TMEM266: variants seen among roughly 807,000 people sequenced by gnomAD.
TMEM266 encodes the protein transmembrane protein 266.
In TMEM266, 33 loss-of-function variants were observed where a neutral mutation model predicts 50.5. The observed-to-expected ratio is 0.65, with a 90% CI of 0.50 to 0.87. The LOEUF is 0.87. Among genes scored for constraint, TMEM266 ranks in the 40% least tolerant of loss-of-function variants. The probability of loss-of-function intolerance (pLI) is 0.00; values close to 1 mark genes in which losing one functional copy is unlikely to be tolerated. For missense variants in TMEM266, 655 were observed against 695.1 expected (o/e 0.94, Z 0.65); for synonymous variants, 310 against 292.3 (o/e 1.06, Z -0.62).
At chr15:76,156,536 TG>T (rs1170596132) in intron 3 of TMEM266, 67 bp from the exon 4 acceptor site, 56 of 1,548,232 alleles carry the variant, frequency 3.6e-5, no homozygotes, top group Admixed American at 1.8e-5. Flanking sequence ...AGCAGGGCTT[TG>T]GCCGGGGTCC....
intron 5 of TMEM266, 69 bp from the exon 6 acceptor site, chr15:76,169,747 T>G: frequency 7.3e-5 from 109 of 1,496,492 alleles, no homozygotes; most frequent in Non-Finnish European, 9.1e-5. Context: ...CTCTGAGTGC[T>G]GAGCTCTGGA....
chr15:76,086,333 G>A (rs1015175858), intron 1 of TMEM266, among the ~76,000 whole-genome samples: 4 of 152,200 alleles, frequency 2.6e-5, no homozygotes, highest in African/African-American at 9.7e-5. Flanking sequence ...AAGCAATGGT[G>A]ATAGAAATCA....
At chr15:76,100,068 C>A (rs578112637) in intron 1 of TMEM266, among the ~76,000 whole-genome samples, 6 of 152,278 alleles carry the variant, frequency 3.9e-5, no homozygotes, top group Non-Finnish European at 7.3e-5. Context: ...TCCCTCAACA[C>A]ATGGGGATTA....
chr15:76,161,469 C>CTG lies in TMEM266; in HGVS notation c.456+1302_456+1303insGT, dbSNP rs1433931626. Among the ~76,000 whole-genome samples the CTG allele has an allele frequency of 6.6e-6, 1 of 151,948 alleles. No homozygotes were observed. Among genetic ancestry groups the CTG allele is most frequent in the African/African-American group, 2.4e-5 (1 of 41,316 alleles). On this transcript the variant is annotated intron_variant, in intron 5 of 10. Coordinates refer to ENST00000388942, the MANE Select transcript of TMEM266 (RefSeq NM_152335.3). This position sits in a 1 kb window ranked among gnomAD's most constrained non-coding sequence, Gnocchi z 4.1. ...GGCCTAGCTAATGGCTCTGCTCTCT[C>CTG]TCTCTCTCTCTCCCTAAAAATCAGG...
chr15:76,184,726 G>A lies in TMEM266; in HGVS notation c.769-7242G>A, dbSNP rs142038957. On this transcript the variant is annotated intron_variant, in intron 8 of 10. Coordinates refer to ENST00000388942, the MANE Select transcript of TMEM266 (RefSeq NM_152335.3). ...AAGCGCTGGGTGTGCCCGTCCTGCC[G>A]CCCCGGTGGGTCTGACCCCTCCTGG... Among the ~76,000 whole-genome samples, 370 of 152,300 alleles carry A rather than the reference G, an allele frequency of 2.4e-3. 3 individuals are homozygous for A. Among genetic ancestry groups the A allele is most frequent in the South Asian group, 0.021 (103 of 4,824 alleles).
intron 1 of TMEM266, among the ~76,000 whole-genome samples, chr15:76,116,944 G>A (rs2037258782): frequency 7.0e-6 from 1 of 143,752 alleles, no homozygotes; most frequent in Admixed American, 7.2e-5. Flanking sequence ...TTGTTGCCCA[G>A]GCTGGAGTGC....
At chr15:76,156,461 G>A in intron 3 of TMEM266, 143 bp from the exon 4 acceptor site, 1 of 767,694 alleles carries the variant, frequency 1.3e-6, no homozygotes, top group South Asian at 1.9e-5. Context: ...GAATGAGGTT[G>A]TGTTTCGCCA....
intron 1 of TMEM266, among the ~76,000 whole-genome samples, chr15:76,100,212 G>T (rs766033694): frequency 3.9e-5 from 6 of 152,154 alleles, no homozygotes; most frequent in Non-Finnish European, 8.8e-5. Flanking sequence ...ACCCAAGGTG[G>T]TTTCCTCTGC....
intron 1 of TMEM266, among the ~76,000 whole-genome samples, chr15:76,124,684 A>G (rs2037393319): frequency 6.6e-6 from 1 of 152,158 alleles, no homozygotes; most frequent in African/African-American, 2.4e-5. Flanking sequence ...CTGTTGTCCC[A>G]GCTACTCTGA....
intron 1 of TMEM266, among the ~76,000 whole-genome samples, chr15:76,124,567 G>C (rs2037390791): frequency 6.6e-6 from 1 of 152,040 alleles, no homozygotes; most frequent in African/African-American, 2.4e-5. Context: ...GGGAGTCTTA[G>C]GCAGGAGAAT....
chr15:76,099,106 C>T (rs999650584), intron 1 of TMEM266, among the ~76,000 whole-genome samples: 9 of 152,158 alleles, frequency 5.9e-5, no homozygotes, highest in Admixed American at 1.3e-4. Flanking sequence ...ATCTCACTGT[C>T]GTTCCAGGCG....
At chr15:76,077,265 T>C (rs76631432) in intron 1 of TMEM266, among the ~76,000 whole-genome samples, 2,628 of 152,150 alleles carry the variant, frequency 0.017, 100 homozygotes, top group African/African-American at 0.06. Context: ...TGCCTGGCCC[T>C]CGGATAACCT....
intron 8 of TMEM266, chr15:76,181,189 G>A (rs949554194): frequency 6.6e-6 from 1 of 152,370 alleles, no homozygotes; most frequent in South Asian, 2.1e-4. Flanking sequence ...TGGGCCCAAC[G>A]TGGCACAGCA....
chr15:76,185,400 C>CT (rs2038478191), intron 8 of TMEM266, among the ~76,000 whole-genome samples: 2 of 152,174 alleles, frequency 1.3e-5, no homozygotes, highest in Non-Finnish European at 2.9e-5. Flanking sequence ...TACGTCCAAT[C>CT]TCCTGTTAAA....
At chr15:76,202,086 CCAAGG>C (rs2142092596) in intron 9 of TMEM266, 111 bp from the exon 10 acceptor site, 2 of 884,492 alleles carry the variant, frequency 2.3e-6, no homozygotes, top group South Asian at 3.6e-5. Context: ...GTCACACACA[CCAAGG>C]GCTTCTGTGA....
rs556258780 is a variant in TMEM266 at position 76,153,306 on chromosome 15, C to A, written c.228-3298C>A. Among the ~76,000 whole-genome samples the A allele has an allele frequency of 6.6e-6, 1 of 152,312 alleles. No individual in the cohort carries two copies. The highest frequency in any genetic ancestry group is 2.1e-4 in the South Asian group (1 of 4,832). On this transcript the variant is annotated intron_variant, in intron 3 of 10. Transcript: ENST00000388942. The surrounding 1 kb of genome is among the most constrained non-coding windows in gnomAD (Gnocchi z 4.2). ...ATTCCCTACTCCCTTCAGGACCCTC[C>A]TCTGGGGTAGAAGGAGCAGTGTCTT...
chr15:76,063,617 C>T (rs566720004), intron 1 of TMEM266, among the ~76,000 whole-genome samples: 4 of 152,274 alleles, frequency 2.6e-5, no homozygotes, highest in South Asian at 2.1e-4. Context: ...TGCTTTTATT[C>T]GTAGCACCTC....
At chr15:76,082,582 A>G (rs2036711377) in intron 1 of TMEM266, among the ~76,000 whole-genome samples, 1 of 152,156 alleles carries the variant, frequency 6.6e-6, no homozygotes, top group South Asian at 2.1e-4. Context: ...AACACCTCTG[A>G]TAGGATGCCT....
intron 1 of TMEM266, among the ~76,000 whole-genome samples, chr15:76,120,022 C>T (rs1414115124): frequency 6.6e-6 from 1 of 152,184 alleles, no homozygotes; most frequent in African/African-American, 2.4e-5. Flanking sequence ...GGGAGCTTTC[C>T]TACTTTGCTG....
Sources: gnomAD v4.1 joint callset for allele counts (sites outside exome capture counted in the v4.1 genomes callset) on GRCh38, gnomAD v4.1.1 for gene constraint, Gnocchi (gnomAD v3.1) non-coding constraint, MANE v1.5 for transcripts, NCBI Gene and HGNC (gene_info 2026-07-23, HGNC 2026-07-21) for gene names.